Variants in DCLRE1C observed in about 807,000 individuals in gnomAD.
DCLRE1C encodes the protein DNA cross-link repair 1C, also known as protein artemis.
A neutral mutation model predicts 61.4 loss-of-function variants in DCLRE1C; 47 were observed. The observed-to-expected ratio is 0.77, with a 90% CI of 0.61 to 0.98. The LOEUF is 0.98. Among genes scored for constraint, DCLRE1C ranks in the 50% least tolerant of loss-of-function variants. The pLI is 0.00. For missense variants in DCLRE1C, 858 were observed against 816.0 expected, an observed-to-expected ratio of 1.05 and a Z score of -0.63; for synonymous variants, 337 against 287.6, an observed-to-expected ratio of 1.17 and a Z score of -1.74.
intron 8 of DCLRE1C, among the ~76,000 whole-genome samples, chr10:14,933,844 T>C (rs866834486): frequency 6.6e-6 from 1 of 152,184 alleles, no homozygotes; most frequent in African/African-American, 2.4e-5. Flanking sequence ...TTGTAAGCCA[T>C]TTTGGCTTCT....
chr10:14,929,567 G>A (rs996933238), intron 9 of DCLRE1C, among the ~76,000 whole-genome samples: 3 of 149,698 alleles, frequency 2.0e-5, no homozygotes, highest in African/African-American at 7.4e-5. Flanking sequence ...ACTTGAGCCT[G>A]GGGGGTCGAG....
At chr10:14,910,868 C>A (rs1835144567) in intron 13 of DCLRE1C, among the ~76,000 whole-genome samples, 1 of 152,166 alleles carries the variant, frequency 6.6e-6, no homozygotes, top group Non-Finnish European at 1.5e-5. Flanking sequence ...AGGACAATGA[C>A]ATGAGAAATA....
intron 13 of DCLRE1C, 44 bp from the exon 14 acceptor site, chr10:14,909,374 G>A: frequency 6.4e-7 from 1 of 1,561,768 alleles, no homozygotes; most frequent in Non-Finnish European, 8.8e-7. Context: ...AAGGCAAAGG[G>A]AGCCAATTTG....
At chr10:14,937,629 G>A (rs1319554994) in intron 4 of DCLRE1C, among the ~76,000 whole-genome samples, 1 of 152,078 alleles carries the variant, frequency 6.6e-6, no homozygotes, top group East Asian at 1.9e-4. Flanking sequence ...GGTGGCTCAT[G>A]CCTGTAATTC....
At chr10:14,937,579 C>T (rs192752913) in intron 4 of DCLRE1C, among the ~76,000 whole-genome samples, 24 of 152,196 alleles carry the variant, frequency 1.6e-4, no homozygotes, top group African/African-American at 5.3e-4. Flanking sequence ...CCACCAAGCC[C>T]GGCCACTATT....
chr10:14,951,389 C>CAAAAAAAAAA lies in DCLRE1C; in HGVS notation c.110-2312_110-2303dup, dbSNP rs60272216. Among the ~76,000 whole-genome samples, 69 of 46,058 alleles carry CAAAAAAAAAA rather than the reference C, an allele frequency of 1.5e-3. 6 individuals are homozygous for CAAAAAAAAAA. Among genetic ancestry groups the CAAAAAAAAAA allele is most frequent in the Non-Finnish European group, 2.5e-3 (59 of 23,952 alleles). 30.2% of individuals were successfully genotyped at this position (46,058 alleles called of 152,430 possible). A position where few individuals can be genotyped will look rare whatever the true frequency, so the allele number is the denominator to read the frequency against. ...TGGGTGACAGAGCAAAACCCTGTCT[C>CAAAAAAAAAA]AAAAAAAAAAAAAAAAAAAAAAAAA... On this transcript the variant is annotated intron_variant, in intron 1 of 13. Transcript: ENST00000378278.
intron 9 of DCLRE1C, 150 bp downstream of exon 9, chr10:14,932,704 G>A: frequency 1.2e-6 from 1 of 855,666 alleles, no homozygotes; most frequent in South Asian, 1.4e-5. Flanking sequence ...ATATGGCAAT[G>A]TACAGTTCCA....
chr10:14,924,325 T>C (rs895587989), intron 11 of DCLRE1C, among the ~76,000 whole-genome samples: 3 of 152,188 alleles, frequency 2.0e-5, no homozygotes. Context: ...ACTTCATGAA[T>C]ACCTTGACTT....
intron 12 of DCLRE1C, among the ~76,000 whole-genome samples, chr10:14,921,572 TCA>T (rs894282040): frequency 9.8e-5 from 15 of 152,312 alleles, no homozygotes; most frequent in African/African-American, 3.4e-4. Context: ...GGCTTGTAAC[TCA>T]CAAGTCTACT....
At chr10:14,950,552 G>C (rs1038962055) in intron 1 of DCLRE1C, among the ~76,000 whole-genome samples, 1 of 152,096 alleles carries the variant, frequency 6.6e-6, no homozygotes, top group Non-Finnish European at 1.5e-5. Flanking sequence ...TATGCCTCCA[G>C]GAGAGTCCAC....
chr10:14,943,125 A>C (rs1275157728), intron 3 of DCLRE1C, among the ~76,000 whole-genome samples: 2 of 152,136 alleles, frequency 1.3e-5, no homozygotes, highest in African/African-American at 2.4e-5. Flanking sequence ...ACTATCTCAA[A>C]AAAAGGAAAA....
chr10:14,917,232 A>G (rs1485295644), intron 13 of DCLRE1C, among the ~76,000 whole-genome samples: 1 of 152,200 alleles, frequency 6.6e-6, no homozygotes. Context: ...TCTACATTTG[A>G]ACCATATTTT....
At chr10:14,928,591 T>G (rs1287477091) in intron 9 of DCLRE1C, among the ~76,000 whole-genome samples, 1 of 151,960 alleles carries the variant, frequency 6.6e-6, no homozygotes, top group Non-Finnish European at 1.5e-5. Flanking sequence ...TGAGGAAGGG[T>G]ATTGTACTGT....
chr10:14,941,031 C>T (rs1273878118), intron 3 of DCLRE1C, among the ~76,000 whole-genome samples: 5 of 152,188 alleles, frequency 3.3e-5, no homozygotes, highest in Non-Finnish European at 5.9e-5. Context: ...TACAGGCACC[C>T]GCCACCATGC....
At chr10:14,929,653 A>G (rs937026766) in intron 9 of DCLRE1C, among the ~76,000 whole-genome samples, 6 of 151,752 alleles carry the variant, frequency 4.0e-5, no homozygotes, top group Admixed American at 3.3e-4. Context: ...TAAATTCATT[A>G]ATTCAAATTA....
chr10:14,929,859 G>T (rs1192500593), intron 9 of DCLRE1C, among the ~76,000 whole-genome samples: 1 of 152,102 alleles, frequency 6.6e-6, no homozygotes, highest in Non-Finnish European at 1.5e-5. Context: ...GCAGATTAGA[G>T]TTAAGAGTGG....
At chr10:14,944,688 T>C (rs1589134089) in intron 3 of DCLRE1C, among the ~76,000 whole-genome samples, 1 of 148,056 alleles carries the variant, frequency 6.8e-6, no homozygotes, top group East Asian at 2.0e-4. Flanking sequence ...TTTTTTTTTT[T>C]TTTTTAGATG....
At chr10:14,914,185 A>G (rs763861711) in intron 13 of DCLRE1C, among the ~76,000 whole-genome samples, 1 of 152,258 alleles carries the variant, frequency 6.6e-6, no homozygotes, top group Non-Finnish European at 1.5e-5. Flanking sequence ...CTAGTTAAAA[A>G]TACAGAGATG....
At chr10:14,940,208 G>A (rs922781578) in intron 3 of DCLRE1C, among the ~76,000 whole-genome samples, 4 of 151,632 alleles carry the variant, frequency 2.6e-5, no homozygotes, top group African/African-American at 9.7e-5. Flanking sequence ...TTGTAAAAAC[G>A]TGGTCCTGTG....
Sources: gnomAD v4.1 joint callset for allele counts (sites outside exome capture counted in the v4.1 genomes callset) on GRCh38, gnomAD v4.1.1 for gene constraint, MANE v1.5 for transcripts, NCBI Gene and HGNC (gene_info 2026-07-23, HGNC 2026-07-21) for gene names.